Variants in TMC2 observed in about 807,000 individuals in gnomAD.
TMC2 encodes transmembrane channel-like protein 2.
In TMC2, 102 loss-of-function variants were observed where a neutral mutation model predicts 105.9. The ratio of observed to expected loss-of-function variants is 0.96; its 90% CI spans 0.82 to 1.14. TMC2 has a LOEUF of 1.14. TMC2 is among the 50% of genes most tolerant of loss of function. TMC2 has a pLI of 0.00. For missense variants in TMC2, 1,093 were observed against 1,134.3 expected (o/e 0.96, Z 0.52); for synonymous variants, 402 against 422.8 (o/e 0.95, Z 0.60).
At chr20:2,632,024 CTT>C (rs771526409) in intron 17 of TMC2, among the ~76,000 whole-genome samples, 4 of 137,246 alleles carry the variant, frequency 2.9e-5, no homozygotes, top group Non-Finnish European at 3.2e-5. Flanking sequence ...TTCATTGATT[CTT>C]TTTTTTTTTT....
At chr20:2,562,141 A>T in intron 4 of TMC2, 131 bp downstream of exon 4, 2 of 1,169,762 alleles carry the variant, frequency 1.7e-6, no homozygotes, top group Non-Finnish European at 2.3e-6. Flanking sequence ...GACAGCACTC[A>T]GGGAGCCCCA....
In TMC2 at chr20:2,602,103, A is replaced by G. The variant is rs973526054; in HGVS notation, c.1225-10A>G. On this transcript the variant is annotated splice_polypyrimidine_tract_variant and intron_variant, in intron 10 of 19. Transcript: ENST00000358864. ...TGACATTTATGCACATCTCATTTTC[A>G]CACATTAAGGAATCAATAGTGGATG... is the stretch of plus-strand genomic sequence containing the variant. The G allele has an allele frequency of 2.5e-6, 4 of 1,591,724 alleles. No homozygotes were observed. The highest frequency in any genetic ancestry group is 2.6e-6 in the Non-Finnish European group (3 of 1,167,036).
At chr20:2,541,127 C>T (rs2085887301) in intron 2 of TMC2, among the ~76,000 whole-genome samples, 1 of 152,180 alleles carries the variant, frequency 6.6e-6, no homozygotes, top group Non-Finnish European at 1.5e-5. Flanking sequence ...TCCTGTTCAT[C>T]CTTCAAGATT....
At chr20:2,557,044 G>T (rs906447107) in intron 2 of TMC2, among the ~76,000 whole-genome samples, 1 of 151,972 alleles carries the variant, frequency 6.6e-6, no homozygotes, top group Admixed American at 6.6e-5. Flanking sequence ...GTGTGAATAC[G>T]ATATGCCTAG....
At chr20:2,582,279 T>C (rs1308886786) in intron 7 of TMC2, among the ~76,000 whole-genome samples, 2 of 152,140 alleles carry the variant, frequency 1.3e-5, no homozygotes. Flanking sequence ...CACATCCAAA[T>C]TCATTGCACA....
At chr20:2,596,152 A>T (rs1296518864) in intron 9 of TMC2, among the ~76,000 whole-genome samples, 1 of 152,152 alleles carries the variant, frequency 6.6e-6, no homozygotes, top group Admixed American at 6.5e-5. Context: ...CCCTCATAGT[A>T]TCTTATAGCA....
intron 7 of TMC2, among the ~76,000 whole-genome samples, chr20:2,584,770 G>T (rs1346719185): frequency 6.6e-6 from 1 of 151,320 alleles, no homozygotes; most frequent in Admixed American, 6.6e-5. Flanking sequence ...TTTTGGCTTT[G>T]CTGATTCTCT....
chr20:2,552,102 A>G (rs1291474662), intron 2 of TMC2, among the ~76,000 whole-genome samples: 1 of 152,112 alleles, frequency 6.6e-6, no homozygotes, highest in Non-Finnish European at 1.5e-5. Context: ...AAAAAAAATT[A>G]TAAAATTAGC....
chr20:2,553,932 T>C (rs2085971351), intron 2 of TMC2, among the ~76,000 whole-genome samples: 1 of 152,210 alleles, frequency 6.6e-6, no homozygotes, highest in Non-Finnish European at 1.5e-5. Context: ...TTGCCCAGGC[T>C]GGAGTACAAT....
intron 8 of TMC2, among the ~76,000 whole-genome samples, chr20:2,593,244 T>C (rs767706490): frequency 5.3e-5 from 8 of 152,096 alleles, no homozygotes; most frequent in Non-Finnish European, 1.0e-4. Context: ...GAGAACAGCA[T>C]GGGGGAAACT....
chr20:2,538,788 G>A (rs966936707), intron 2 of TMC2, among the ~76,000 whole-genome samples: 1 of 152,176 alleles, frequency 6.6e-6, no homozygotes, highest in Non-Finnish European at 1.5e-5. Flanking sequence ...AAGGGGTGCA[G>A]TAAAGTTAAA....
intron 1 of TMC2, 53 bp from the exon 2 acceptor site, chr20:2,537,216 G>A: frequency 1.3e-6 from 2 of 1,538,598 alleles, no homozygotes; most frequent in Non-Finnish European, 1.8e-6. Flanking sequence ...GGGTCTGCAG[G>A]GAGGGGGACT....
rs138720906 is a variant in TMC2 at position 2,612,332 on chromosome 20, G to A, written c.1735G>A (p.Val579Met). 4.4e-5 allele frequency: 70 copies of A among 1,573,246 alleles called. 1 individual carries two copies. Among genetic ancestry groups the A allele is most frequent in the Non-Finnish European group, 5.5e-5 (63 of 1,152,484 alleles). ...CCGGGGTTCTTGCTGGGAGACAGCT[G>A]TGGGCATTGTGAGTAGTTACACTCT... Reference protein sequence around the residue: ...VPRGSCWETAVGIEFMRLTVS... With the variant: ...VPRGSCWETAMGIEFMRLTVS... The change falls in exon 13 of 20, where the codon GTG becomes ATG. Residue 579 changes from valine to methionine, a missense_variant. Physicochemically the swap from Val to Met is conservative, Grantham distance 21. Transcript: ENST00000358864.
In TMC2 at chr20:2,641,339, A is replaced by G; in HGVS notation, c.2709A>G (p.Arg903=). ...CAGCCTCTGGAAAGAGTGCTCAGAGACCTCCCCACTGATGGCTAGGACTCC... is the reference window on the plus strand; with the variant it reads ...CAGCCTCTGGAAAGAGTGCTCAGAGGCCTCCCCACTGATGGCTAGGACTCC... The part of the protein sequence containing the change: ...WRSASGKSAQ[R]PPH The change falls in exon 20 of 20, where the codon AGA becomes AGG. Residue 903 remains arginine (R), a synonymous_variant. Coordinates refer to ENST00000358864, the MANE Select transcript of TMC2 (RefSeq NM_080751.3). 6.2e-7 allele frequency: 1 copy of G among 1,612,402 alleles called. No individual in the cohort carries two copies.
Position 2,624,386 on chromosome 20 carries a change from C to T in TMC2, c.2296C>T (p.Leu766=). The T allele has an allele frequency of 1.2e-6, 2 of 1,613,622 alleles. No homozygotes were observed. Among genetic ancestry groups the T allele is most frequent in the South Asian group, 1.1e-5 (1 of 90,936 alleles). ...ANPGLIIPAI[L]LMFLAIYYLN... The stretch of plus-strand genomic sequence containing the variant: ...TCCAGGCCTGATCATCCCAGCCATC[C>T]TGCTGATGTTGTAAGTTAGCCAGGA... Residue 766 remains leucine, a synonymous_variant, in exon 17 of 20, where the codon CTG becomes TTG. Coordinates refer to ENST00000358864, the MANE Select transcript of TMC2 (RefSeq NM_080751.3).
At chr20:2,562,292 G>A (rs972693201) in intron 4 of TMC2, among the ~76,000 whole-genome samples, 9 of 152,178 alleles carry the variant, frequency 5.9e-5, no homozygotes, top group South Asian at 2.1e-4. Context: ...ACTTCATCTC[G>A]TGGCTTCTGT....
intron 2 of TMC2, among the ~76,000 whole-genome samples, chr20:2,541,567 G>T (rs975104480): frequency 2.6e-5 from 4 of 151,766 alleles, no homozygotes; most frequent in African/African-American, 9.7e-5. Context: ...CTTGAATCTG[G>T]GAGGTTGAGG....
At chr20:2,537,062 G>T (rs896144952) in intron 1 of TMC2, among the ~76,000 whole-genome samples, 1 of 152,194 alleles carries the variant, frequency 6.6e-6, no homozygotes, top group Non-Finnish European at 1.5e-5. Context: ...AGGGCAGGGG[G>T]TGGGGGATGT....
rs919814171 is a variant in TMC2, at chr20:2,572,269, G to C, written c.645G>C (p.Lys215Asn). Reference protein sequence around the residue: ...QLYAYKMLMAKKWVKFKRDFD... With the variant: ...QLYAYKMLMANKWVKFKRDFD... ...ATGCCTACAAGATGCTGATGGCCAA[G>C]GTGTGTGGGGTGGGGGCAGTGAATC... The change falls in exon 5 of 20, where the codon AAG (lysine) becomes AAC (asparagine). Residue 215 changes from lysine to asparagine, a missense_variant and splice_region_variant. By Grantham distance (94) the Lys-to-Asn change is moderately conservative. Transcript: ENST00000358864. 1.2e-6 allele frequency: 2 copies of C among 1,610,814 alleles called. No homozygotes were observed. Among genetic ancestry groups the C allele is most frequent in the African/African-American group, 1.3e-5 (1 of 74,882 alleles).
Sources: allele counts gnomAD v4.1 joint callset (sites outside exome capture counted in the v4.1 genomes callset), GRCh38; gene constraint gnomAD v4.1.1; transcripts MANE v1.5; gene names NCBI Gene and HGNC (gene_info 2026-07-23, HGNC 2026-07-21).